The following EML6 variants were observed in gnomAD, a reference collection of about 807,000 sequenced individuals.
The protein encoded by EML6 is EMAP like 6.
In EML6, 154 loss-of-function variants were observed where a neutral mutation model predicts 240.1. That is an observed-to-expected ratio of 0.64 (90% CI 0.56 to 0.73). The LOEUF (loss-of-function observed/expected upper bound fraction) is 0.73. Among genes scored for constraint, EML6 ranks in the 30% least tolerant of loss-of-function variants. EML6 has a pLI of 0.00. For synonymous variants in EML6, 1,148 were observed against 899.0 expected (o/e 1.28, Z -4.95); for missense variants, 2,964 against 2,474.6 (o/e 1.20, Z -4.20).
chr2:54,884,293 G>GGCCTCCCTGGGTGC (rs1405251112), intron 17 of EML6, among the ~76,000 whole-genome samples: 1 of 152,180 alleles, frequency 6.6e-6, no homozygotes, highest in Non-Finnish European at 1.5e-5. Context: ...GAGCTTCCAT[G>GGCCTCCCTGGGTGC]GCCTCCCTGG....
chr2:54,908,246 G>T (rs1259055107), intron 24 of EML6, among the ~76,000 whole-genome samples: 18 of 145,120 alleles, frequency 1.2e-4, no homozygotes, highest in African/African-American at 4.3e-4. Context: ...GTCCCACTCT[G>T]TCACCCAGGT....
chr2:54,958,607 A>T (rs375662164), intron 33 of EML6, among the ~76,000 whole-genome samples: 1 of 152,140 alleles, frequency 6.6e-6, no homozygotes. Flanking sequence ...TATTGGGAAC[A>T]ATTTCCACTG....
chr2:54,903,781 C>G (rs936507939), intron 24 of EML6, among the ~76,000 whole-genome samples: 1 of 152,190 alleles, frequency 6.6e-6, no homozygotes, highest in African/African-American at 2.4e-5. Context: ...GTTATCATAG[C>G]AAGCCACCAC....
intron 7 of EML6, among the ~76,000 whole-genome samples, chr2:54,837,144 TG>T (rs1669195424): frequency 6.6e-6 from 1 of 152,230 alleles, no homozygotes; most frequent in Admixed American, 6.5e-5. Context: ...TCCCTGGTTT[TG>T]CATCCTTAAT....
intron 28 of EML6, among the ~76,000 whole-genome samples, chr2:54,943,278 TCTC>T (rs1461645724): frequency 6.6e-6 from 1 of 151,990 alleles, no homozygotes; most frequent in Non-Finnish European, 1.5e-5. Flanking sequence ...GTAAGTCCCT[TCTC>T]CTATTCAAGA....
In EML6 at chr2:54,962,702, G is replaced by T. The variant is rs1056791216; in HGVS notation, c.5148G>T (p.Leu1716=). The change falls in exon 36 of 42, where the codon CTG becomes CTT. Residue 1716 remains leucine, a synonymous_variant. Transcript: ENST00000356458. ...SNDGTARIWD[L]ADKKLLNKVS... ...ATGGCACAGCCCGGATCTGGGACCT[G>T]GCTGACAAGGTGAGGCCGACTCTGC... 6.7e-7 allele frequency: 1 copy of T among 1,486,362 alleles called. No individual in the cohort carries two copies. The highest frequency in any genetic ancestry group is 1.4e-5 in the African/African-American group (1 of 70,274). The allele number at this position is 1,486,362 out of a possible 1,614,324, so 92.1% of individuals were successfully genotyped here.
At chr2:54,846,399 AT>A (rs568782543) in intron 8 of EML6, among the ~76,000 whole-genome samples, 77 of 151,726 alleles carry the variant, frequency 5.1e-4, no homozygotes, top group African/African-American at 1.7e-3. Flanking sequence ...ATATATAGAT[AT>A]ATATTTATAT....
At position 54,911,930 on chromosome 2, in the gene EML6, C is replaced by T. The variant is rs577886893; in HGVS notation, c.3498+888C>T. ...GAAAGCTAGATGGCTTTTGTAGATG[C>T]GTACCTCTTTCAGGGTGTACACATA... is the stretch of plus-strand genomic sequence containing the variant. On this transcript the variant is annotated intron_variant, in intron 25 of 41. Transcript: ENST00000356458. Among the ~76,000 whole-genome samples, 4 of 152,332 alleles carry T rather than the reference C, an allele frequency of 2.6e-5. No individual in the cohort carries two copies. In the East Asian group the frequency reaches 5.8e-4, roughly 22 times the overall value.
At chr2:54,734,485 G>C (rs911242566) in intron 2 of EML6, among the ~76,000 whole-genome samples, 5 of 152,228 alleles carry the variant, frequency 3.3e-5, no homozygotes, top group Admixed American at 6.5e-5. Flanking sequence ...GCCCACTGGG[G>C]TGCCAGTGCT....
In EML6 at chr2:54,968,681, G is replaced by A. The variant is rs1676856561; in HGVS notation, c.5765G>A (p.Arg1922Gln). The stretch of plus-strand genomic sequence containing the variant: ...TTTTGCTCACAGGCCAAACATAAGC[G>A]ATACTTCGGTCACTCGGCTCACGTG... ...PCTEKFAKHK[R>Q]YFGHSAHVTN... is the part of the protein sequence containing the mutation. Residue 1922 changes from arginine (R) to glutamine (Q), a missense_variant, in exon 41 of 42, where the codon CGA becomes CAA. Arg to Gln is a conservative substitution (Grantham distance 43, BLOSUM62 1). Transcript: ENST00000356458. 1.3e-6 allele frequency: 2 copies of A among 1,550,398 alleles called. No homozygotes were observed. Among genetic ancestry groups the A allele is most frequent in the Middle Eastern group, 1.7e-4 (1 of 5,992 alleles).
chr2:54,890,977 A>T (rs940306750), intron 17 of EML6, 77 bp from the exon 18 acceptor site: 3 of 669,436 alleles, frequency 4.5e-6, no homozygotes, highest in Non-Finnish European at 2.5e-6. Context: ...TTAAAATTAG[A>T]CCAAATGCAT....
In EML6 at chr2:54,961,456, G is replaced by A. The variant is rs549233070; in HGVS notation, c.4969-1067G>A. Among the ~76,000 whole-genome samples the A allele has an allele frequency of 2.5e-4, 38 of 151,582 alleles. No individual in the cohort carries two copies. The East Asian group carries it at 5.5e-3, about 22-fold the overall frequency. On this transcript the variant is annotated intron_variant, in intron 35 of 41. Coordinates refer to ENST00000356458, the MANE Select transcript of EML6 (RefSeq NM_001039753.4). Reference sequence around the variant, plus strand: ...CCCACCACGGCCTCCCAAAGTGCTGGGATTACAGGCGTGAGCCATCACACC... The same window carrying A: ...CCCACCACGGCCTCCCAAAGTGCTGAGATTACAGGCGTGAGCCATCACACC...
At chr2:54,749,036 G>A (rs1441619642) in intron 2 of EML6, among the ~76,000 whole-genome samples, 1 of 152,194 alleles carries the variant, frequency 6.6e-6, no homozygotes, top group Non-Finnish European at 1.5e-5. Context: ...AAGTAGAATG[G>A]CCAGGGTCAA....
chr2:54,777,454 C>T (rs139053014), intron 2 of EML6, among the ~76,000 whole-genome samples: 78 of 152,294 alleles, frequency 5.1e-4, no homozygotes, highest in Admixed American at 4.7e-3. Context: ...CGCTTTCTGT[C>T]TTCCACATAG....
intron 29 of EML6, among the ~76,000 whole-genome samples, chr2:54,950,056 A>T (rs546633160): frequency 6.6e-6 from 1 of 152,364 alleles, no homozygotes; most frequent in East Asian, 1.9e-4. Flanking sequence ...TGTTGGATTA[A>T]GAACTGATCT....
At chr2:54,854,955 C>T (rs1670293116) in intron 11 of EML6, among the ~76,000 whole-genome samples, 1 of 152,160 alleles carries the variant, frequency 6.6e-6, no homozygotes, top group African/African-American at 2.4e-5. Context: ...ACATTGGGGT[C>T]AGTGGCAACA....
At chr2:54,894,203 G>GC (rs1553409628) in intron 19 of EML6, among the ~76,000 whole-genome samples, 1 of 109,268 alleles carries the variant, frequency 9.2e-6, no homozygotes, top group Non-Finnish European at 2.0e-5. Context: ...TTTTTTCTTA[G>GC]AAAAAAAAAA....
At position 54,859,585 on chromosome 2, in the gene EML6, G is replaced by A. The variant is rs534965563; in HGVS notation, c.1709G>A (p.Arg570His). 60 of 1,551,286 alleles carry A rather than the reference G, an allele frequency of 3.9e-5. No individual in the cohort carries two copies. The highest frequency in any genetic ancestry group is 4.7e-5 in the Non-Finnish European group (54 of 1,146,798). ...CATTCTGCACATGTCACAAATGTCC[G>A]CTGGTCCCATGACTTTCAGTGGGTG... Reference protein sequence around the residue: ...VGHSAHVTNVRWSHDFQWVLS... With the variant: ...VGHSAHVTNVHWSHDFQWVLS... The change falls in exon 12 of 42, where the codon CGC becomes CAC. Residue 570 changes from arginine (R) to histidine (H), a missense_variant. By Grantham distance (29) the Arg-to-His change is conservative. Coordinates refer to ENST00000356458, the MANE Select transcript of EML6 (RefSeq NM_001039753.4).
intron 2 of EML6, among the ~76,000 whole-genome samples, chr2:54,729,551 C>T (rs1032670714): frequency 1.3e-5 from 2 of 152,184 alleles, no homozygotes; most frequent in Non-Finnish European, 1.5e-5. Flanking sequence ...ACAGGGGAGG[C>T]AGCTGAGGCA....
Sources: allele counts gnomAD v4.1 joint callset (sites outside exome capture counted in the v4.1 genomes callset), GRCh38; gene constraint gnomAD v4.1.1; transcripts MANE v1.5; gene names NCBI Gene and HGNC (gene_info 2026-07-23, HGNC 2026-07-21).